IST1: variants seen among roughly 807,000 people sequenced by gnomAD.
The protein encoded by IST1 is IST1 factor associated with ESCRT-III.
Under a neutral mutation model 37.0 loss-of-function variants are expected in IST1, and 23 were observed. That is an observed-to-expected ratio of 0.62 (90% CI 0.45 to 0.88). The LOEUF (loss-of-function observed/expected upper bound fraction) is 0.88. Ranked by LOEUF, IST1 falls within the 40% of genes least tolerant of loss-of-function variation. The pLI is 0.00. For synonymous variants in IST1, 180 were observed against 161.7 expected (o/e 1.11, Z -0.86); for missense variants, 488 against 445.4 (o/e 1.10, Z -0.86).
chr16:71,901,207 CT>C (rs1415355713), intron 1 of IST1, among the ~76,000 whole-genome samples: 1 of 151,892 alleles, frequency 6.6e-6, no homozygotes, highest in Non-Finnish European at 1.5e-5. Flanking sequence ...TTAAGTCAGT[CT>C]TTTGGTTTTT....
In IST1 at chr16:71,930,613, A is replaced by G. The variant is rs1374935107; in HGVS notation, c.*2800A>G. 1.3e-5 allele frequency: 2 copies of G among 152,932 alleles called. No individual in the cohort carries two copies. The highest frequency in any genetic ancestry group is 4.8e-5 in the African/African-American group (2 of 41,472). The allele number at this position is 152,932 out of a possible 1,614,324, so 9.5% of individuals were successfully genotyped here. On this transcript the variant is annotated 3_prime_UTR_variant, in exon 10 of 10. Transcript: ENST00000378799. ...ACCCTAAACACAGGAGCATTCCAAT[A>G]AAAGTTAACAGGTTGGCCACAGAAA... is the stretch of plus-strand genomic sequence containing the variant.
intron 8 of IST1, among the ~76,000 whole-genome samples, chr16:71,923,919 T>C (rs1276510377): frequency 6.6e-6 from 1 of 152,174 alleles, no homozygotes; most frequent in East Asian, 1.9e-4. Flanking sequence ...GGTTACTTGT[T>C]TTTGACCAGC....
At chr16:71,896,920 A>G (rs2036984659) in intron 1 of IST1, among the ~76,000 whole-genome samples, 1 of 152,094 alleles carries the variant, frequency 6.6e-6, no homozygotes, top group Admixed American at 6.6e-5. Flanking sequence ...GTGAGTCGGT[A>G]ATCGTGCCAC....
At chr16:71,922,890 C>G in intron 7 of IST1, 1 of 597,624 alleles carries the variant, frequency 1.7e-6, no homozygotes, top group Non-Finnish European at 3.0e-6. Context: ...AGAGTTGGTG[C>G]TAGAAAAACA....
At chr16:71,898,023 A>T (rs774013025) in intron 1 of IST1, among the ~76,000 whole-genome samples, 6 of 152,138 alleles carry the variant, frequency 3.9e-5, no homozygotes, top group Non-Finnish European at 7.4e-5. Flanking sequence ...ACAAGATACG[A>T]TGAGAAGGAT....
intron 1 of IST1, among the ~76,000 whole-genome samples, chr16:71,908,887 A>G (rs576692806): frequency 3.9e-5 from 6 of 152,162 alleles, no homozygotes; most frequent in South Asian, 4.1e-4. Context: ...TCCATCTGCT[A>G]TTATTTTTCA....
At chr16:71,920,883 G>A (rs1304994768) in intron 5 of IST1, 61 bp downstream of exon 5, 1 of 1,170,568 alleles carries the variant, frequency 8.5e-7, no homozygotes, top group East Asian at 2.3e-5. Context: ...TGTACTGCTT[G>A]TGGCAATTCT....
At chr16:71,906,540 C>T (rs903082272) in intron 1 of IST1, among the ~76,000 whole-genome samples, 1 of 151,642 alleles carries the variant, frequency 6.6e-6, no homozygotes, top group African/African-American at 2.4e-5. Flanking sequence ...GTCTCAAACT[C>T]CTGACCCCAG....
In IST1 at chr16:71,897,079, G is replaced by A. The variant is rs190057336; in HGVS notation, c.-16+1490G>A. Among the ~76,000 whole-genome samples the A allele has an allele frequency of 1.4e-3, 216 of 151,738 alleles. 1 individual carries two copies. Among genetic ancestry groups the A allele is most frequent in the Non-Finnish European group, 2.1e-3 (146 of 67,956 alleles). ...CTGTTTCCCAGGCTGGAGTGCTGTA[G>A]TGCACTCCCTGCAGCTTCGACCTTT... On this transcript the variant is annotated intron_variant, in intron 1 of 9. Transcript: ENST00000378799.
intron 6 of IST1, among the ~76,000 whole-genome samples, chr16:71,921,934 G>C (rs1482312954): frequency 6.6e-6 from 1 of 152,176 alleles, no homozygotes; most frequent in African/African-American, 2.4e-5. Context: ...TCAGGAGATC[G>C]AGACCATCCT....
At position 71,930,235 on chromosome 16, in the gene IST1, T is replaced by C. The variant is rs1170476828; in HGVS notation, c.*2422T>C. On this transcript the variant is annotated 3_prime_UTR_variant, in exon 10 of 10. Transcript: ENST00000378799. ...GTGACTGACAATTTAGTTTATACTTTACAAACATAAGCTATATGCTAGTGT... is the reference window on the plus strand; with the variant it reads ...GTGACTGACAATTTAGTTTATACTTCACAAACATAAGCTATATGCTAGTGT... The C allele has an allele frequency of 1.3e-5, 19 of 1,485,814 alleles. No homozygotes were observed. The highest frequency in any genetic ancestry group is 1.4e-5 in the Non-Finnish European group (16 of 1,112,990). The allele number at this position is 1,485,814 out of a possible 1,614,324, so 92.0% of individuals were successfully genotyped here. A position where few individuals can be genotyped will look rare whatever the true frequency, so the allele number is the denominator to read the frequency against.
In IST1 at chr16:71,930,755, G is replaced by A. The variant is rs1020521081; in HGVS notation, c.*2942G>A. 1.3e-5 allele frequency: 2 copies of A among 152,020 alleles called. No homozygotes were observed. The highest frequency in any genetic ancestry group is 2.9e-5 in the Non-Finnish European group (2 of 68,024). The allele number at this position is 152,020 out of a possible 1,614,324, so 9.4% of individuals were successfully genotyped here. On this transcript the variant is annotated 3_prime_UTR_variant, in exon 10 of 10. Transcript: ENST00000378799. ...TATCAAGTTCTGGGCTTATTGGAAT[G>A]GTTCCCATAACAAAAACTGTTGTTT...
intron 2 of IST1, 26 bp from the exon 3 acceptor site, chr16:71,916,436 A>T: frequency 6.2e-7 from 1 of 1,608,924 alleles, no homozygotes; most frequent in Non-Finnish European, 8.5e-7. Flanking sequence ...TACTGCTGTG[A>T]GATCGGAGTG....
Position 71,912,774 on chromosome 16 carries a change from C to T in IST1, c.-15-2852C>T, listed in dbSNP as rs953730337. Among the ~76,000 whole-genome samples the T allele has an allele frequency of 4.6e-5, 7 of 152,194 alleles. 1 individual carries two copies. The highest frequency in any genetic ancestry group is 8.8e-5 in the Non-Finnish European group (6 of 68,034). On this transcript the variant is annotated intron_variant, in intron 1 of 9. Transcript: ENST00000378799. ...ACAATTCCCTGTTTCCCCCTACTCC[C>T]GGACCCTGGTAACCACCATTCTACT...
intron 1 of IST1, among the ~76,000 whole-genome samples, chr16:71,914,376 G>T (rs1473831863): frequency 6.6e-6 from 1 of 150,578 alleles, no homozygotes; most frequent in East Asian, 2.0e-4. Context: ...TGGCCAGGAT[G>T]GTCTCCATCT....
chr16:71,902,278 T>G (rs1367385584), intron 1 of IST1, among the ~76,000 whole-genome samples: 3 of 148,630 alleles, frequency 2.0e-5, no homozygotes, highest in African/African-American at 7.4e-5. Flanking sequence ...GATTTAATTG[T>G]TTTTTTTTTG....
chr16:71,895,390 C>T (rs2036941423), upstream of IST1: 1 of 375,202 alleles, frequency 2.7e-6, no homozygotes, highest in Admixed American at 6.4e-5. Context: ...CCAAAGGAAA[C>T]CGAGGGAGGG....
In IST1 at chr16:71,930,724, C is replaced by T. The variant is rs889832785; in HGVS notation, c.*2911C>T. 2.0e-5 allele frequency: 3 copies of T among 151,994 alleles called. No individual in the cohort carries two copies. Among genetic ancestry groups the T allele is most frequent in the Admixed American group, 6.6e-5 (1 of 15,248 alleles). The allele number at this position is 151,994 out of a possible 1,614,324, so 9.4% of individuals were successfully genotyped here. On this transcript the variant is annotated 3_prime_UTR_variant, in exon 10 of 10. Transcript: ENST00000378799. Reference sequence around the variant, plus strand: ...CTGCCATTCTTTACTTTTCTGCATACATAAATATCAAGTTCTGGGCTTATT... The same window carrying T: ...CTGCCATTCTTTACTTTTCTGCATATATAAATATCAAGTTCTGGGCTTATT...
intron 7 of IST1, among the ~76,000 whole-genome samples, 200 bp from the exon 8 acceptor site, chr16:71,923,085 AAAG>A (rs779165992): frequency 2.0e-5 from 3 of 152,238 alleles, no homozygotes; most frequent in Non-Finnish European, 4.4e-5. Flanking sequence ...TTGATTCAAT[AAAG>A]AATAGCCTTT....
Sources: gnomAD v4.1 joint callset for allele counts (sites outside exome capture counted in the v4.1 genomes callset) on GRCh38, gnomAD v4.1.1 for gene constraint, MANE v1.5 for transcripts, NCBI Gene and HGNC (gene_info 2026-07-23, HGNC 2026-07-21) for gene names.